The following SKAP1 variants were observed in gnomAD, a reference collection of about 807,000 sequenced individuals.
The protein encoded by SKAP1 is src kinase-associated phosphoprotein 1.
A neutral mutation model predicts 58.5 loss-of-function variants in SKAP1; 44 were observed. The ratio of observed to expected loss-of-function variants is 0.75; its 90% confidence interval spans 0.59 to 0.97. The LOEUF is 0.97. Among genes scored for constraint, SKAP1 ranks in the 50% least tolerant of loss-of-function variants. The pLI, the probability that SKAP1 is intolerant of heterozygous loss-of-function variation, is 0.00. For missense variants in SKAP1, 390 were observed against 435.2 expected, an observed-to-expected ratio of 0.90 and a Z score of 0.92; for synonymous variants, 127 against 149.7, an observed-to-expected ratio of 0.85 and a Z score of 1.11.
At position 48,204,977 on chromosome 17, in the gene SKAP1, C is replaced by CTTTTCT. The variant is rs67682493; in HGVS notation, c.281-15478_281-15477insAGAAAA. Reference sequence around the variant, plus strand: ...CTTCCTCTTTCTTTTCTTTTCTTTTCTTTCTTTCTTTCTTTCTTTCTTTCT... The same window carrying CTTTTCT: ...CTTCCTCTTTCTTTTCTTTTCTTTTCTTTTCTTTTCTTTCTTTCTTTCTTTCTTTCT... On this transcript the variant is annotated intron_variant, in intron 4 of 12. Coordinates refer to ENST00000336915, the MANE Select transcript of SKAP1 (RefSeq NM_003726.4). 4.5e-3 allele frequency among the ~76,000 whole-genome samples: 314 copies of CTTTTCT among 69,308 alleles called. 2 individuals are homozygous for CTTTTCT. Among genetic ancestry groups the CTTTTCT allele is most frequent in the Middle Eastern group, 0.014 (2 of 148 alleles). 45.5% of individuals were successfully genotyped at this position (69,308 alleles called of 152,430 possible). A position where few individuals can be genotyped will look rare whatever the true frequency, so the allele number is the denominator to read the frequency against.
intron 4 of SKAP1, among the ~76,000 whole-genome samples, chr17:48,345,390 G>A (rs1224725281): frequency 6.6e-6 from 1 of 152,184 alleles, no homozygotes; most frequent in Non-Finnish European, 1.5e-5. Context: ...TGTGGTTCTT[G>A]TGGCTTTCCC....
intron 11 of SKAP1, among the ~76,000 whole-genome samples, chr17:48,158,922 C>G (rs2064029982): frequency 6.6e-6 from 1 of 151,144 alleles, no homozygotes; most frequent in South Asian, 2.1e-4. Flanking sequence ...GATCGCGCCA[C>G]TGCACTCCAG....
At chr17:48,406,812 C>T (rs1178340404) in intron 1 of SKAP1, among the ~76,000 whole-genome samples, 3 of 151,968 alleles carry the variant, frequency 2.0e-5, no homozygotes, top group Admixed American at 6.6e-5. Context: ...GTGATCCGCC[C>T]GCCTCGGCCT....
chr17:48,390,900 C>A (rs1215459435), intron 2 of SKAP1, among the ~76,000 whole-genome samples: 2 of 152,098 alleles, frequency 1.3e-5, no homozygotes, highest in African/African-American at 4.8e-5. Context: ...CATGGTGAAA[C>A]CCCGTCTTCA....
At chr17:48,437,229 T>C in the SKAP1 span, among the ~76,000 whole-genome samples, 1 of 152,144 alleles carries the variant, frequency 6.6e-6, no homozygotes, top group African/African-American at 2.4e-5. Flanking sequence ...CCTTAATTAT[T>C]GCAATAGCAA....
At chr17:48,134,101 CCA>C (rs1193281832) in intron 12 of SKAP1, among the ~76,000 whole-genome samples, 2 of 152,104 alleles carry the variant, frequency 1.3e-5, no homozygotes, top group South Asian at 2.1e-4. Context: ...AGAATGTATT[CCA>C]CACAGTTTCC....
intron 4 of SKAP1, among the ~76,000 whole-genome samples, chr17:48,192,425 T>G (rs1281860914): frequency 1.3e-5 from 2 of 152,140 alleles, no homozygotes; most frequent in Non-Finnish European, 1.5e-5. Context: ...TAATGCAAAT[T>G]TAAATGCCAT....
At chr17:48,300,506 T>G (rs2066043311) in intron 4 of SKAP1, among the ~76,000 whole-genome samples, 1 of 152,174 alleles carries the variant, frequency 6.6e-6, no homozygotes, top group African/African-American at 2.4e-5. Flanking sequence ...GTCAAAGGGA[T>G]AGACAGCTCA....
At chr17:48,430,009 G>T in intron 1 of SKAP1, 66 bp downstream of exon 1, 1 of 1,211,844 alleles carries the variant, frequency 8.3e-7, no homozygotes. Context: ...GCCTGGCCGT[G>T]GGAGGCCTGG....
chr17:48,329,141 T>C (rs1406041135), intron 4 of SKAP1, among the ~76,000 whole-genome samples: 1 of 152,226 alleles, frequency 6.6e-6, no homozygotes, highest in African/African-American at 2.4e-5. Context: ...AAAGTTCTAT[T>C]GGACAGTGCT....
intron 4 of SKAP1, among the ~76,000 whole-genome samples, chr17:48,199,758 C>T (rs903765491): frequency 4.6e-5 from 7 of 151,836 alleles, no homozygotes; most frequent in Non-Finnish European, 7.4e-5. Flanking sequence ...GGGAAAAGAA[C>T]GGTAGTTGTG....
chr17:48,371,694 A>T (rs2053826373), intron 2 of SKAP1, among the ~76,000 whole-genome samples: 1 of 131,564 alleles, frequency 7.6e-6, no homozygotes, highest in South Asian at 2.6e-4. Context: ...AAAGCCAGGC[A>T]TGGTGGTGCA....
the SKAP1 span, among the ~76,000 whole-genome samples, chr17:48,435,400 T>G: frequency 1.3e-5 from 2 of 152,210 alleles, no homozygotes; most frequent in African/African-American, 2.4e-5. Context: ...GGACTCAGAA[T>G]GTATCAGCTG....
intron 4 of SKAP1, among the ~76,000 whole-genome samples, chr17:48,214,602 C>T (rs926063157): frequency 1.4e-5 from 2 of 143,988 alleles, no homozygotes; most frequent in African/African-American, 2.5e-5. Flanking sequence ...AGAAGCTGAA[C>T]TTTCTCCAGT....
intron 2 of SKAP1, among the ~76,000 whole-genome samples, chr17:48,370,823 C>T (rs2067074727): frequency 6.6e-6 from 1 of 152,204 alleles, no homozygotes; most frequent in South Asian, 2.1e-4. Context: ...AAGACATATG[C>T]ACTTGTAGGT....
chr17:48,341,277 T>C (rs1050462537), intron 4 of SKAP1, among the ~76,000 whole-genome samples: 5 of 152,222 alleles, frequency 3.3e-5, no homozygotes, highest in African/African-American at 1.2e-4. Flanking sequence ...GAACTCTGGC[T>C]ACAATAATTT....
At chr17:48,199,342 C>T (rs1244908595) in intron 4 of SKAP1, among the ~76,000 whole-genome samples, 2 of 152,160 alleles carry the variant, frequency 1.3e-5, no homozygotes, top group Non-Finnish European at 2.9e-5. Context: ...TTCATTTTCT[C>T]CCAACTTTGT....
At chr17:48,251,926 A>C (rs1326088206) in intron 4 of SKAP1, among the ~76,000 whole-genome samples, 1 of 152,240 alleles carries the variant, frequency 6.6e-6, no homozygotes, top group Admixed American at 6.5e-5. Context: ...ACACTTGCTA[A>C]TTATTTCTTC....
intron 4 of SKAP1, among the ~76,000 whole-genome samples, chr17:48,301,949 T>G (rs1232354793): frequency 1.1e-4 from 16 of 152,166 alleles, no homozygotes; most frequent in Admixed American, 1.0e-3. Flanking sequence ...CACAACAAAA[T>G]TTTTAAAAAA....
Sources: allele counts gnomAD v4.1 joint callset (sites outside exome capture counted in the v4.1 genomes callset), GRCh38; gene constraint gnomAD v4.1.1; transcripts MANE v1.5; gene names NCBI Gene and HGNC (gene_info 2026-07-23, HGNC 2026-07-21).